THEMIS: variants seen among roughly 807,000 people sequenced by gnomAD.
THEMIS encodes the protein protein THEMIS.
A neutral mutation model predicts 52.6 loss-of-function variants in THEMIS; 37 were observed. The observed-to-expected ratio is 0.70, with a 90% CI of 0.54 to 0.93. The LOEUF (loss-of-function observed/expected upper bound fraction) is 0.93, where lower values mean the gene tolerates loss of function less well. Among genes scored for constraint, THEMIS ranks in the 40% least tolerant of loss-of-function variants. The pLI is 0.00. For missense variants in THEMIS, 808 were observed against 763.1 expected (o/e 1.06, Z -0.69); for synonymous variants, 292 against 272.7 (o/e 1.07, Z -0.70).
At chr6:127,832,581 CT>C (rs374202995) in intron 2 of THEMIS, among the ~76,000 whole-genome samples, 11 of 151,946 alleles carry the variant, frequency 7.2e-5, no homozygotes, top group South Asian at 4.2e-4. Context: ...ATGTGACCAA[CT>C]TTTTTTTCAT....
In THEMIS at chr6:127,812,998, C is replaced by G; in HGVS notation, c.1643G>C (p.Ser548Thr). The change falls in exon 4 of 6, where the codon AGC becomes ACC. Residue 548 changes from serine (S) to threonine (T), a missense_variant. Transcript: ENST00000368248. The part of the protein sequence containing the change: ...EQYYMMRRYE[S>T]SASHPPPRPP... ...GCGAGGTGGGGGATGTGAGGCTGAG[C>G]TTTCATATCTCCGCATCATGTAATA... The G allele has an allele frequency of 6.2e-7, 1 of 1,614,036 alleles. No homozygotes were observed. Among genetic ancestry groups the G allele is most frequent in the Non-Finnish European group, 8.5e-7 (1 of 1,179,976 alleles).
chr6:127,754,836 G>A (rs1210653073), intron 4 of THEMIS, among the ~76,000 whole-genome samples: 4 of 152,102 alleles, frequency 2.6e-5, no homozygotes, highest in Non-Finnish European at 4.4e-5. Context: ...GTGAATGGTG[G>A]CAACGGTTCA....
At chr6:127,797,506 A>G (rs1777369614) in intron 4 of THEMIS, among the ~76,000 whole-genome samples, 2 of 152,178 alleles carry the variant, frequency 1.3e-5, no homozygotes, top group South Asian at 4.1e-4. Flanking sequence ...AACTTACCCC[A>G]GGCAAAGGGA....
chr6:127,834,924 G>A (rs539847301), intron 2 of THEMIS, among the ~76,000 whole-genome samples: 5 of 152,230 alleles, frequency 3.3e-5, no homozygotes, highest in South Asian at 4.1e-4. Context: ...TGTGCCGCAC[G>A]TCATACATAC....
chr6:127,789,966 C>A (rs1180703417), intron 4 of THEMIS, among the ~76,000 whole-genome samples: 1 of 152,176 alleles, frequency 6.6e-6, no homozygotes, highest in African/African-American at 2.4e-5. Context: ...AAAACCAGCA[C>A]AAGACAAGGA....
At chr6:127,783,559 CA>C (rs1458567317) in intron 4 of THEMIS, among the ~76,000 whole-genome samples, 1 of 152,154 alleles carries the variant, frequency 6.6e-6, no homozygotes, top group Admixed American at 6.5e-5. Context: ...ACAACCCCAT[CA>C]AAAACTGGGT....
chr6:127,709,727 T>C lies in THEMIS; in HGVS notation c.*258A>G. ...TAAGAATCTGAAAAAATGTGCAAGT[T>C]AAATAAATACGTCCTAAAGAACAAC... On this transcript the variant is annotated 3_prime_UTR_variant, in exon 6 of 6. Coordinates refer to ENST00000368248, the MANE Select transcript of THEMIS (RefSeq NM_001010923.3). 3.0e-6 allele frequency: 1 copy of C among 335,866 alleles called. No homozygotes were observed. The highest frequency in any genetic ancestry group is 5.4e-6 in the Non-Finnish European group (1 of 186,100). 20.8% of individuals were successfully genotyped at this position (335,866 alleles called of 1,614,324 possible).
intron 5 of THEMIS, among the ~76,000 whole-genome samples, chr6:127,717,072 T>C (rs1451191650): frequency 1.3e-5 from 2 of 151,932 alleles, no homozygotes; most frequent in South Asian, 2.1e-4. Flanking sequence ...ACAGAGCGTA[T>C]CATAGGAAAA....
At chr6:127,739,448 C>T (rs555121906) in intron 4 of THEMIS, among the ~76,000 whole-genome samples, 61 of 152,136 alleles carry the variant, frequency 4.0e-4, no homozygotes, top group African/African-American at 1.5e-3. Flanking sequence ...GAGATTGAGA[C>T]CATCCTGGCT....
chr6:127,831,924 T>TGC (rs1365015423), intron 2 of THEMIS, among the ~76,000 whole-genome samples: 1 of 152,158 alleles, frequency 6.6e-6, no homozygotes, highest in African/African-American at 2.4e-5. Context: ...TGTGTGTGTG[T>TGC]GCGCGTGCCT....
chr6:127,799,619 G>A (rs1777462459), intron 4 of THEMIS, among the ~76,000 whole-genome samples: 1 of 133,886 alleles, frequency 7.5e-6, no homozygotes, highest in Non-Finnish European at 1.6e-5. Context: ...TTTCTTTCTG[G>A]ACCATGTAAT....
At chr6:127,707,815 T>G (rs75225722), downstream of THEMIS, among the ~76,000 whole-genome samples, 1 of 152,094 alleles carries the variant, frequency 6.6e-6, no homozygotes, top group Non-Finnish European at 1.5e-5. Context: ...TCTATTAAAA[T>G]CCTGGATGTA....
chr6:127,831,519 T>G (rs1009209710), intron 2 of THEMIS, among the ~76,000 whole-genome samples: 2 of 152,200 alleles, frequency 1.3e-5, no homozygotes, highest in Admixed American at 1.3e-4. Context: ...TGTCAACAAG[T>G]GTATTCCAGT....
intron 4 of THEMIS, among the ~76,000 whole-genome samples, chr6:127,771,727 T>C (rs1262763476): frequency 6.6e-6 from 1 of 152,172 alleles, no homozygotes; most frequent in Non-Finnish European, 1.5e-5. Context: ...TAAGCATTGA[T>C]TGTTTAAAAC....
intron 3 of THEMIS, among the ~76,000 whole-genome samples, chr6:127,814,610 G>A (rs1021044269): frequency 6.6e-6 from 1 of 152,110 alleles, no homozygotes; most frequent in Non-Finnish European, 1.5e-5. Flanking sequence ...CCTACCAAAG[G>A]AGTGGTGCAG....
At chr6:127,781,061 T>C (rs567627096) in intron 4 of THEMIS, among the ~76,000 whole-genome samples, 14 of 152,220 alleles carry the variant, frequency 9.2e-5, no homozygotes, top group Admixed American at 2.0e-4. Context: ...TTTCACATAG[T>C]CCTATATTTC....
At chr6:127,738,158 T>C (rs1269010569) in intron 4 of THEMIS, among the ~76,000 whole-genome samples, 1 of 152,186 alleles carries the variant, frequency 6.6e-6, no homozygotes, top group African/African-American at 2.4e-5. Context: ...GCTGTAATTC[T>C]AGAGGGTATA....
intron 4 of THEMIS, among the ~76,000 whole-genome samples, chr6:127,747,128 TA>T (rs1364519159): frequency 7.6e-6 from 1 of 131,682 alleles, no homozygotes; most frequent in Non-Finnish European, 1.6e-5. Flanking sequence ...ATAATTATAT[TA>T]TATATAATTG....
intron 5 of THEMIS, among the ~76,000 whole-genome samples, chr6:127,716,392 C>T (rs377023558): frequency 1.3e-5 from 2 of 151,836 alleles, no homozygotes; most frequent in African/African-American, 4.8e-5. Flanking sequence ...TACCAAATGG[C>T]TGCGCCCTTG....
Sources: allele counts gnomAD v4.1 joint callset (sites outside exome capture counted in the v4.1 genomes callset), GRCh38; gene constraint gnomAD v4.1.1; transcripts MANE v1.5; gene names NCBI Gene and HGNC (gene_info 2026-07-23, HGNC 2026-07-21).